PTPRK: variants seen among roughly 807,000 people sequenced by gnomAD.
PTPRK encodes protein tyrosine phosphatase receptor type K, also known as receptor-type tyrosine-protein phosphatase kappa.
Under a neutral mutation model 178.0 loss-of-function variants are expected in PTPRK, and 75 were observed. The ratio of observed to expected loss-of-function variants is 0.42; its 90% CI spans 0.35 to 0.51. The LOEUF is 0.51. Among genes scored for constraint, PTPRK ranks in the 20% least tolerant of loss-of-function variants. The pLI, the probability that PTPRK is intolerant of heterozygous loss-of-function variation, is 0.02. For synonymous variants in PTPRK, 637 were observed against 620.6 expected, an observed-to-expected ratio of 1.03 and a Z score of -0.39; for missense variants, 1,441 against 1,797.8, an observed-to-expected ratio of 0.80 and a Z score of 3.59.
At chr6:128,258,547 A>G (rs1375914142) in intron 3 of PTPRK, among the ~76,000 whole-genome samples, 1 of 152,226 alleles carries the variant, frequency 6.6e-6, no homozygotes, top group Non-Finnish European at 1.5e-5. Context: ...TTTTCATTAG[A>G]TAATTATTTC....
At chr6:128,467,154 C>A (rs951805896) in intron 1 of PTPRK, among the ~76,000 whole-genome samples, 5 of 152,020 alleles carry the variant, frequency 3.3e-5, no homozygotes, top group Non-Finnish European at 7.4e-5. Context: ...TGAGCACCAC[C>A]GCGCCCGGCT....
At chr6:128,020,111 T>C (rs1773264479) in intron 13 of PTPRK, among the ~76,000 whole-genome samples, 1 of 151,982 alleles carries the variant, frequency 6.6e-6, no homozygotes, top group African/African-American at 2.4e-5. Flanking sequence ...AGAAATACCC[T>C]GGAAAGTAAT....
chr6:127,992,411 C>T (rs1279848609), intron 19 of PTPRK, among the ~76,000 whole-genome samples: 1 of 151,740 alleles, frequency 6.6e-6, no homozygotes, highest in Non-Finnish European at 1.5e-5. Flanking sequence ...AGTGCTCTGA[C>T]CTATCTGTGT....
chr6:128,011,983 G>A (rs1394247565), intron 13 of PTPRK, among the ~76,000 whole-genome samples: 3 of 151,140 alleles, frequency 2.0e-5, no homozygotes, highest in African/African-American at 7.3e-5. Context: ...AGCCCATTAA[G>A]TTATTTATTT....
rs778636414 is a variant in PTPRK, at chr6:128,090,003, A to T, written c.1163-11T>A. On this transcript the variant is annotated splice_polypyrimidine_tract_variant and intron_variant, in intron 7 of 29. Transcript: ENST00000368226. Reference sequence around the variant, plus strand: ...GGGTTCTCATAGGTTCTGAAAAATAAATCAGAGTTGTAGACAGCTGTCTAT... The same window carrying T: ...GGGTTCTCATAGGTTCTGAAAAATATATCAGAGTTGTAGACAGCTGTCTAT... The T allele has an allele frequency of 1.3e-6, 2 of 1,576,764 alleles. No homozygotes were observed. The highest frequency in any genetic ancestry group is 1.7e-6 in the Non-Finnish European group (2 of 1,146,832).
intron 3 of PTPRK, among the ~76,000 whole-genome samples, chr6:128,316,634 A>G (rs1225572681): frequency 6.6e-6 from 1 of 152,104 alleles, no homozygotes; most frequent in Non-Finnish European, 1.5e-5. Context: ...GTCAAAGTAG[A>G]GCAGACATTT....
chr6:127,999,372 C>T (rs553354911), intron 15 of PTPRK, among the ~76,000 whole-genome samples: 2 of 152,050 alleles, frequency 1.3e-5, no homozygotes, highest in Admixed American at 6.6e-5. Context: ...TTCTTGTTCT[C>T]GTGGCCCTAT....
intron 18 of PTPRK, among the ~76,000 whole-genome samples, chr6:127,994,443 T>C (rs1468284024): frequency 6.6e-6 from 1 of 151,736 alleles, no homozygotes; most frequent in Non-Finnish European, 1.5e-5. Context: ...TTGGGCAAAA[T>C]GCTCAACATG....
At chr6:128,048,827 A>G (rs1778522623) in intron 13 of PTPRK, among the ~76,000 whole-genome samples, 1 of 152,208 alleles carries the variant, frequency 6.6e-6, no homozygotes, top group Admixed American at 6.5e-5. Context: ...GGGTCCCGGG[A>G]CCAGTCCTCC....
intron 5 of PTPRK, among the ~76,000 whole-genome samples, chr6:128,228,918 T>C (rs1418264088): frequency 6.6e-6 from 1 of 152,116 alleles, no homozygotes; most frequent in Non-Finnish European, 1.5e-5. Flanking sequence ...TGAAGTAACA[T>C]TATTTAAGTT....
chr6:128,269,191 A>G (rs1184670223), intron 3 of PTPRK, among the ~76,000 whole-genome samples: 1 of 152,098 alleles, frequency 6.6e-6, no homozygotes, highest in African/African-American at 2.4e-5. Context: ...TATGCCCAAT[A>G]CTGTGCAAGG....
At chr6:128,197,202 T>A (rs1281759324) in intron 6 of PTPRK, among the ~76,000 whole-genome samples, 1 of 145,168 alleles carries the variant, frequency 6.9e-6, no homozygotes, top group African/African-American at 2.5e-5. Flanking sequence ...TTTTTTTGGC[T>A]TAAAAAATTT....
At chr6:128,385,091 T>A (rs1301889680) in intron 2 of PTPRK, among the ~76,000 whole-genome samples, 2 of 148,010 alleles carry the variant, frequency 1.4e-5, no homozygotes, top group African/African-American at 4.9e-5. Context: ...ATAATTAATA[T>A]TATAAATATT....
chr6:128,351,240 C>CG (rs1240768779), intron 2 of PTPRK, among the ~76,000 whole-genome samples: 1 of 151,968 alleles, frequency 6.6e-6, no homozygotes, highest in African/African-American at 2.4e-5. Flanking sequence ...GATATAAACA[C>CG]GGGAAAAAGA....
chr6:128,466,723 G>C (rs1849891897), intron 1 of PTPRK, among the ~76,000 whole-genome samples: 1 of 151,994 alleles, frequency 6.6e-6, no homozygotes, highest in Non-Finnish European at 1.5e-5. Context: ...CATTTTAATT[G>C]AATATACAAG....
intron 13 of PTPRK, among the ~76,000 whole-genome samples, chr6:128,055,935 C>A (rs556946523): frequency 6.6e-6 from 1 of 151,488 alleles, no homozygotes; most frequent in Admixed American, 6.6e-5. Flanking sequence ...TTCTGGCTCC[C>A]TTACCAGAAG....
intron 2 of PTPRK, among the ~76,000 whole-genome samples, chr6:128,350,880 T>C (rs1268092356): frequency 6.6e-6 from 1 of 152,200 alleles, no homozygotes; most frequent in African/African-American, 2.4e-5. Context: ...TCCAGTTTAA[T>C]GTCATACTCT....
At chr6:128,097,992 C>A (rs1221981744) in intron 7 of PTPRK, among the ~76,000 whole-genome samples, 3 of 152,152 alleles carry the variant, frequency 2.0e-5, no homozygotes, top group East Asian at 1.9e-4. Context: ...AGACAAAATT[C>A]TAAGGGGGAT....
chr6:128,102,749 A>C (rs186801748), intron 7 of PTPRK, among the ~76,000 whole-genome samples: 1 of 152,306 alleles, frequency 6.6e-6, no homozygotes, highest in African/African-American at 2.4e-5. Context: ...TAATTTTCTA[A>C]TGAGTATCTC....
Sources: allele counts gnomAD v4.1 joint callset (sites outside exome capture counted in the v4.1 genomes callset), GRCh38; gene constraint gnomAD v4.1.1; transcripts MANE v1.5; gene names NCBI Gene and HGNC (gene_info 2026-07-23, HGNC 2026-07-21).